DHODH: variants seen among roughly 807,000 people sequenced by gnomAD.
The protein encoded by DHODH is dihydroorotate dehydrogenase (quinone), also known as dihydroorotate dehydrogenase (quinone), mitochondrial.
A neutral mutation model predicts 39.7 loss-of-function variants in DHODH; 30 were observed. The ratio of observed to expected loss-of-function variants is 0.76; its 90% confidence interval spans 0.57 to 1.02. DHODH has a LOEUF of 1.02. DHODH is among the 50% of genes least tolerant of loss of function. The pLI is 0.00. For synonymous variants in DHODH, 222 were observed against 213.8 expected (o/e 1.04, Z -0.34); for missense variants, 531 against 520.8 (o/e 1.02, Z -0.19).
At chr16:72,016,803 T>G in intron 3 of DHODH, 1 of 520,016 alleles carries the variant, frequency 1.9e-6, no homozygotes. Context: ...CTGGGCTGTT[T>G]CCAGTGCTAG....
rs751876425 is a variant in DHODH at position 72,023,511 on chromosome 16, C to T, written c.1011C>T (p.Ser337=). The change falls in exon 8 of 9, where the codon AGC becomes AGT. Residue 337 remains serine (S), a synonymous_variant. Transcript: ENST00000219240. The part of the protein sequence containing the change: ...VPIIGVGGVS[S]GQDALEKIRA... ...TAATTGGGGTTGGTGGTGTGAGCAGCGGGCAGGACGCGCTGGAGAAGATCC... is the reference window on the plus strand; with the variant it reads ...TAATTGGGGTTGGTGGTGTGAGCAGTGGGCAGGACGCGCTGGAGAAGATCC... 2.5e-5 allele frequency: 41 copies of T among 1,613,938 alleles called. No homozygotes were observed. Among genetic ancestry groups the T allele is most frequent in the South Asian group, 1.4e-4 (13 of 91,078 alleles).
rs912922594 is a variant in DHODH, at chr16:72,026,912, T to A, written c.*2713T>A. On this transcript the variant is annotated 3_prime_UTR_variant, in exon 9 of 9. Transcript: ENST00000219240. The stretch of plus-strand genomic sequence containing the variant: ...TTCAAGCAATTCTTCTGCCTCAGCC[T>A]CCCAAGTAGCTGGGATTACAGGTGC... 1 of 153,296 alleles carries A rather than the reference T, an allele frequency of 6.5e-6. No individual in the cohort carries two copies. The highest frequency in any genetic ancestry group is 2.4e-5 in the African/African-American group (1 of 41,192). 9.5% of individuals were successfully genotyped at this position (153,296 alleles called of 1,614,324 possible). A position where few individuals can be genotyped will look rare whatever the true frequency, so the allele number is the denominator to read the frequency against.
chr16:72,022,498 A>C, intron 6 of DHODH, 23 bp downstream of exon 6: 1 of 1,535,124 alleles, frequency 6.5e-7, no homozygotes, highest in Non-Finnish European at 8.8e-7. Context: ...GCCTGGGCCC[A>C]GGGTGTGCCT....
In DHODH at chr16:72,024,136, T is replaced by C. The variant is rs1156966696; in HGVS notation, c.1134-9T>C. The C allele has an allele frequency of 1.2e-6, 2 of 1,613,918 alleles. No individual in the cohort carries two copies. Among genetic ancestry groups the C allele is most frequent in the Non-Finnish European group, 1.7e-6 (2 of 1,179,892 alleles). ...TTTGCTGAAATTGCTTTGTTTGCTC[T>C]TTTTCCAGAGAGCAGGGCTTTGGCG... On this transcript the variant is annotated splice_polypyrimidine_tract_variant and intron_variant, in intron 8 of 8. Transcript: ENST00000219240.
At chr16:72,015,604 C>A in intron 3 of DHODH, 2 of 835,520 alleles carry the variant, frequency 2.4e-6, no homozygotes, top group Non-Finnish European at 2.9e-6. Flanking sequence ...CTTGGCCGTG[C>A]TTCCTGCTTT....
At chr16:72,019,079 C>T (rs1056635732) in intron 4 of DHODH, among the ~76,000 whole-genome samples, 1 of 152,176 alleles carries the variant, frequency 6.6e-6, no homozygotes, top group African/African-American at 2.4e-5. Flanking sequence ...TCTCAGCCTC[C>T]CAAGTAGCTG....
At position 72,017,079 on chromosome 16, in the gene DHODH, C is replaced by G. The variant is rs748813064; in HGVS notation, c.490C>G (p.Gln164Glu). The change falls in exon 4 of 9, where the codon CAG becomes GAG. Residue 164 changes from glutamine (Q) to glutamate (E), a missense_variant. Physicochemically the swap from Gln to Glu is conservative, Grantham distance 29. Transcript: ENST00000219240. ...SVVEHRLRAR[Q>E]QKQAKLTEDG... ...GGTGGAACACAGGTTACGGGCCAGA[C>G]AGCAGAAGCAGGCCAAGCTCACAGA... is the stretch of plus-strand genomic sequence containing the variant. 3.1e-6 allele frequency: 5 copies of G among 1,614,086 alleles called. No individual in the cohort carries two copies. In the South Asian group the frequency reaches 4.4e-5, roughly 14 times the overall value.
chr16:72,022,305 C>A, intron 5 of DHODH, 57 bp from the exon 6 acceptor site: 2 of 1,298,480 alleles, frequency 1.5e-6, no homozygotes, highest in Non-Finnish European at 2.2e-6. Context: ...TAGGTCACAG[C>A]TGCACTGCAG....
In DHODH at chr16:72,024,749, C is replaced by T. The variant is rs1236647731; in HGVS notation, c.*550C>T. 6.4e-6 allele frequency: 1 copy of T among 155,822 alleles called. No homozygotes were observed. The allele number at this position is 155,822 out of a possible 1,614,324, so 9.7% of individuals were successfully genotyped here. On this transcript the variant is annotated 3_prime_UTR_variant, in exon 9 of 9. Transcript: ENST00000219240. ...TTGGGAGGCCGAGGCGGGCGGATCA[C>T]CTGAGGCCAGGAGTTGGAGACCAGC...
chr16:72,014,047 G>A (rs1265480746), intron 2 of DHODH, among the ~76,000 whole-genome samples: 5 of 152,306 alleles, frequency 3.3e-5, no homozygotes, highest in Non-Finnish European at 5.9e-5. Context: ...AAAGGGTTTT[G>A]CTGCTTGACA....
rs1279024137 is a variant in DHODH, at chr16:72,024,181, A to G, written c.1170A>G (p.Gly390=). 2 of 1,614,100 alleles carry G rather than the reference A, an allele frequency of 1.2e-6. No individual in the cohort carries two copies. Among genetic ancestry groups the G allele is most frequent in the Admixed American group, 3.3e-5 (2 of 60,006 alleles). The change falls in exon 9 of 9, where the codon GGA becomes GGG. Residue 390 remains glycine, a synonymous_variant. Coordinates refer to ENST00000219240, the MANE Select transcript of DHODH (RefSeq NM_001361.5). ...QGFGGVTDAI[G]ADHRR is the part of the protein sequence containing the mutation. The stretch of plus-strand genomic sequence containing the variant: ...TTGGCGGAGTCACAGATGCCATTGG[A>G]GCAGATCATCGGAGGTGAGGACAGC...
At position 72,017,081 on chromosome 16, in the gene DHODH, G is replaced by T. The variant is rs768224976; in HGVS notation, c.492G>T (p.Gln164His). The T allele has an allele frequency of 1.1e-5, 18 of 1,614,002 alleles. No individual in the cohort carries two copies. Among genetic ancestry groups the T allele is most frequent in the Non-Finnish European group, 1.4e-5 (17 of 1,180,006 alleles). The change falls in exon 4 of 9, where the codon CAG becomes CAT. Residue 164 changes from glutamine to histidine, a missense_variant. Physicochemically the swap from Gln to His is conservative, Grantham distance 24 (BLOSUM62 0). Coordinates refer to ENST00000219240, the MANE Select transcript of DHODH (RefSeq NM_001361.5). Reference protein sequence around the residue: ...SVVEHRLRARQQKQAKLTEDG... With the variant: ...SVVEHRLRARHQKQAKLTEDG... ...TGGAACACAGGTTACGGGCCAGACA[G>T]CAGAAGCAGGCCAAGCTCACAGAAG...
intron 4 of DHODH, among the ~76,000 whole-genome samples, chr16:72,019,662 C>A (rs1039450014): frequency 6.6e-6 from 1 of 152,004 alleles, no homozygotes; most frequent in Non-Finnish European, 1.5e-5. Flanking sequence ...AAACTGAGAC[C>A]CTCTTGAGAG....
rs1038935029 is a variant in DHODH, at chr16:72,014,683, G to A, written c.434+11G>A. ...AGCTGTCATTAACAGGTAGGTGAGC[G>A]GCCCAGAGTTAACGGGGGATGCCCT... On this transcript the variant is annotated intron_variant, in intron 3 of 8. Transcript: ENST00000219240. 5.6e-6 allele frequency: 9 copies of A among 1,613,678 alleles called. No individual in the cohort carries two copies. The East Asian group carries it at 8.9e-5, about 16-fold the overall frequency.
In DHODH at chr16:72,008,768, G is replaced by T. The variant is rs560924899; in HGVS notation, c.4G>T (p.Ala2Ser). ...CGGGCTTAATGACGGAAGGAGCATG[G>T]CGTGGAGACACCTGAAAGTGAGTCC... is the stretch of plus-strand genomic sequence containing the variant. M[A>S]WRHLKKRAQD... Residue 2 changes from alanine (A) to serine (S), a missense_variant, in exon 1 of 9, where the codon GCG becomes TCG. Ala to Ser is a moderately conservative substitution (Grantham distance 99). Coordinates refer to ENST00000219240, the MANE Select transcript of DHODH (RefSeq NM_001361.5). 2 of 1,551,790 alleles carry T rather than the reference G, an allele frequency of 1.3e-6. No homozygotes were observed. Among genetic ancestry groups the T allele is most frequent in the Admixed American group, 2.0e-5 (1 of 51,022 alleles).
At position 72,025,377 on chromosome 16, in the gene DHODH, A is replaced by T. The variant is rs1173953351; in HGVS notation, c.*1178A>T. ...ATCTGTTTAGTTACTTTATGTTTTCATACAAATGACATCATCCCACAAATA... is the reference window on the plus strand; with the variant it reads ...ATCTGTTTAGTTACTTTATGTTTTCTTACAAATGACATCATCCCACAAATA... On this transcript the variant is annotated 3_prime_UTR_variant, in exon 9 of 9. Coordinates refer to ENST00000219240, the MANE Select transcript of DHODH (RefSeq NM_001361.5). The T allele has an allele frequency of 2.0e-5, 3 of 152,224 alleles. No individual in the cohort carries two copies. Among genetic ancestry groups the T allele is most frequent in the Admixed American group, 6.5e-5 (1 of 15,284 alleles). The allele number at this position is 152,224 out of a possible 1,614,324, so 9.4% of individuals were successfully genotyped here.
Position 72,023,541 on chromosome 16 carries a change from A to G in DHODH, c.1041A>G (p.Ala347=). 6.2e-7 allele frequency: 1 copy of G among 1,614,124 alleles called. No homozygotes were observed. The highest frequency in any genetic ancestry group is 8.5e-7 in the Non-Finnish European group (1 of 1,180,038). ...SGQDALEKIR[A]GASLVQLYTA... The stretch of plus-strand genomic sequence containing the variant: ...AGGACGCGCTGGAGAAGATCCGGGC[A>G]GGGGCCTCCCTGGTGCAGCTGTACA... The change falls in exon 8 of 9, where the codon GCA becomes GCG. Residue 347 remains alanine, a synonymous_variant. Transcript: ENST00000219240.
chr16:72,023,442 T>C (rs2041244409), intron 7 of DHODH, 32 bp from the exon 8 acceptor site: 5 of 1,614,206 alleles, frequency 3.1e-6, no homozygotes, highest in Non-Finnish European at 4.2e-6. Context: ...GCCACATCCT[T>C]CTTTATGGTG....
At chr16:72,017,256 T>G in intron 4 of DHODH, 150 bp downstream of exon 4, 2 of 815,990 alleles carry the variant, frequency 2.5e-6, no homozygotes, top group Non-Finnish European at 4.1e-6. Context: ...GCGATTTTCC[T>G]GGTCCCACAC....
Sources: allele counts gnomAD v4.1 joint callset (sites outside exome capture counted in the v4.1 genomes callset), GRCh38; gene constraint gnomAD v4.1.1; transcripts MANE v1.5; gene names NCBI Gene and HGNC (gene_info 2026-07-23, HGNC 2026-07-21).